The following MMP26 variants were observed in gnomAD, a reference collection of about 807,000 sequenced individuals.
MMP26 encodes matrix metallopeptidase 26.
In MMP26, 33 loss-of-function variants were observed where a neutral mutation model predicts 31.0. The observed-to-expected ratio is 1.06, with a 90% confidence interval of 0.81 to 1.42. The LOEUF (loss-of-function observed/expected upper bound fraction) is 1.42. Among genes scored for constraint, MMP26 ranks in the 40% most tolerant of loss-of-function variants. The probability of loss-of-function intolerance (pLI) is 0.00; values close to 1 mark genes in which losing one functional copy is unlikely to be tolerated. For synonymous variants in MMP26, 122 were observed against 114.9 expected (o/e 1.06, Z -0.40); for missense variants, 347 against 316.1 (o/e 1.10, Z -0.74).
intron 2 of MMP26, among the ~76,000 whole-genome samples, chr11:4,817,249 G>A (rs573670129): frequency 6.6e-6 from 1 of 152,182 alleles, no homozygotes; most frequent in South Asian, 2.1e-4. Context: ...AAGTGTAAGG[G>A]CATTTGTTCC....
chr11:4,772,019 G>GAA (rs1319795454), intron 2 of MMP26, among the ~76,000 whole-genome samples: 5 of 152,164 alleles, frequency 3.3e-5, no homozygotes, highest in Non-Finnish European at 7.3e-5. Context: ...AGATGAGGAA[G>GAA]GATAGACTAC....
At chr11:4,731,627 C>T (rs1023987557) in intron 1 of MMP26, among the ~76,000 whole-genome samples, 2 of 152,134 alleles carry the variant, frequency 1.3e-5, no homozygotes, top group Non-Finnish European at 2.9e-5. Flanking sequence ...ACGTATATAC[C>T]TCTGGTGTGG....
intron 1 of MMP26, among the ~76,000 whole-genome samples, chr11:4,737,402 G>A (rs1848255142): frequency 6.6e-6 from 1 of 152,152 alleles, no homozygotes; most frequent in South Asian, 2.1e-4. Context: ...CCAGCACTTT[G>A]GGAGGCCGAG....
chr11:4,964,770 A>T (rs1244283931), intron 2 of MMP26, among the ~76,000 whole-genome samples: 2 of 152,160 alleles, frequency 1.3e-5, no homozygotes, highest in African/African-American at 4.8e-5. Flanking sequence ...CTTCGCAGCG[A>T]CAAGGATGGA....
intron 2 of MMP26, among the ~76,000 whole-genome samples, chr11:4,840,228 C>A (rs1849775637): frequency 2.0e-5 from 3 of 152,208 alleles, no homozygotes. Flanking sequence ...CATCTCTGGA[C>A]CCACCTGGGG....
At chr11:4,959,789 T>C (rs1312188587) in intron 2 of MMP26, among the ~76,000 whole-genome samples, 2 of 152,218 alleles carry the variant, frequency 1.3e-5, no homozygotes, top group African/African-American at 4.8e-5. Flanking sequence ...AACTTGTTTA[T>C]TGTTGACTGT....
At chr11:4,856,888 C>T (rs1850061812) in intron 2 of MMP26, among the ~76,000 whole-genome samples, 1 of 152,198 alleles carries the variant, frequency 6.6e-6, no homozygotes, top group African/African-American at 2.4e-5. Context: ...GACCACAGTT[C>T]AATCAAATTA....
At chr11:4,842,030 C>T (rs748249526) in intron 2 of MMP26, among the ~76,000 whole-genome samples, 2 of 152,070 alleles carry the variant, frequency 1.3e-5, no homozygotes, top group Non-Finnish European at 2.9e-5. Context: ...TAGTAAGTAC[C>T]TAGGAAAACA....
chr11:4,914,550 C>G (rs931096340), intron 2 of MMP26: 4 of 573,578 alleles, frequency 7.0e-6, no homozygotes, highest in Non-Finnish European at 9.3e-6. Context: ...TTTTACCCCC[C>G]CCTGCCCTGG....
intron 2 of MMP26, among the ~76,000 whole-genome samples, chr11:4,768,597 T>A (rs1424007739): frequency 1.3e-5 from 2 of 152,192 alleles, no homozygotes; most frequent in Non-Finnish European, 2.9e-5. Flanking sequence ...GGGGCCTAAA[T>A]GTCTATAAAT....
intron 1 of MMP26, among the ~76,000 whole-genome samples, chr11:4,742,401 C>A (rs1213770372): frequency 6.6e-6 from 1 of 152,042 alleles, no homozygotes; most frequent in Non-Finnish European, 1.5e-5. Context: ...TAGACTGAGA[C>A]CTAAGTTCCA....
chr11:4,756,770 G>C (rs1420611917), intron 1 of MMP26: 1 of 150,762 alleles, frequency 6.6e-6, no homozygotes, highest in Non-Finnish European at 1.5e-5. Flanking sequence ...CTAGTGAGTA[G>C]AGTTTGACAA....
At chr11:4,884,360 T>C (rs1276575435) in intron 2 of MMP26, among the ~76,000 whole-genome samples, 1 of 152,194 alleles carries the variant, frequency 6.6e-6, no homozygotes, top group African/African-American at 2.4e-5. Flanking sequence ...TGTATTCTAT[T>C]ATACCACAGT....
intron 2 of MMP26, chr11:4,882,462 A>T: frequency 1.2e-6 from 2 of 1,613,966 alleles, no homozygotes; most frequent in Non-Finnish European, 1.7e-6. Context: ...GAAGTGATCA[A>T]ATACACATAT....
chr11:4,807,903 T>C lies in MMP26; in HGVS notation c.-145+40562T>C, dbSNP rs1849299587. 2.0e-5 allele frequency among the ~76,000 whole-genome samples: 3 copies of C among 152,092 alleles called. No individual in the cohort carries two copies. The South Asian group carries it at 6.2e-4, about 32-fold the overall frequency. On this transcript the variant is annotated intron_variant, in intron 2 of 7. Coordinates refer to ENST00000380390, the MANE Select transcript of MMP26 (RefSeq NM_021801.5). ...CACTCTAGCCTTGAACTTCTGGGTT[T>C]AGGTGATCCTCCCACCTCAGCCTTC...
chr11:4,984,233 C>T (rs1025673637), intron 2 of MMP26, among the ~76,000 whole-genome samples: 1 of 152,148 alleles, frequency 6.6e-6, no homozygotes, highest in Non-Finnish European at 1.5e-5. Context: ...ATAAAATACT[C>T]TTTATTTATA....
intron 2 of MMP26, among the ~76,000 whole-genome samples, chr11:4,881,474 T>C (rs147513334): frequency 2.6e-5 from 4 of 152,248 alleles, no homozygotes; most frequent in African/African-American, 9.6e-5. Flanking sequence ...TCCACAAACA[T>C]TCTTCTTTAG....
At chr11:4,711,904 GCTCT>G (rs747817142) in intron 1 of MMP26, 1 of 152,148 alleles carries the variant, frequency 6.6e-6, no homozygotes, top group Non-Finnish European at 1.5e-5. Flanking sequence ...TGATTATTTT[GCTCT>G]CTCTGACTGA....
chr11:4,886,578 G>A (rs1414870324), intron 2 of MMP26, among the ~76,000 whole-genome samples: 1 of 151,524 alleles, frequency 6.6e-6, no homozygotes, highest in African/African-American at 2.4e-5. Flanking sequence ...ACTGCTGTTT[G>A]TTCTCATATT....
Sources: allele counts gnomAD v4.1 joint callset (sites outside exome capture counted in the v4.1 genomes callset), GRCh38; gene constraint gnomAD v4.1.1; transcripts MANE v1.5; gene names NCBI Gene and HGNC (gene_info 2026-07-23, HGNC 2026-07-21).